Variants in TERT observed in about 807,000 individuals in gnomAD.
TERT encodes the protein telomerase catalytic subunit.
Under a neutral mutation model 104.0 loss-of-function variants are expected in TERT, and 42 were observed. That is an observed-to-expected ratio of 0.40 (90% CI 0.32 to 0.52). The LOEUF is 0.52. Among genes scored for constraint, TERT ranks in the 20% least tolerant of loss-of-function variants. The pLI is 0.43. For missense variants in TERT, 1,101 were observed against 1,610.3 expected (o/e 0.68, Z 5.41); for synonymous variants, 781 against 725.6 (o/e 1.08, Z -1.23).
At chr5:1,260,284 GCA>G (rs35880956) in intron 12 of TERT, among the ~76,000 whole-genome samples, 188 bp downstream of exon 12, 55 of 152,362 alleles carry the variant, frequency 3.6e-4, no homozygotes, top group Admixed American at 1.2e-3. Flanking sequence ...GCACACCTGT[GCA>G]CACACTGCCA....
rs1751264625 is a variant in TERT at position 1,294,567 on chromosome 5, C to T, written c.319G>A (p.Ala107Thr). 1.9e-6 allele frequency: 3 copies of T among 1,585,080 alleles called. No homozygotes were observed. Among genetic ancestry groups the T allele is most frequent in the Non-Finnish European group, 2.6e-6 (3 of 1,173,516 alleles). ...AAGGCCTCGGGGGGGCCCCCGCGGG[C>T]CCCGTCCAGCAGCGCGAAGCCGAAG... is the stretch of plus-strand genomic sequence containing the variant. The part of the protein sequence containing the change: ...LAFGFALLDG[A>T]RGGPPEAFTT... Residue 107 changes from alanine to threonine, a missense_variant, in exon 2 of 16, where the codon GCC becomes ACC. By Grantham distance (58) the Ala-to-Thr change is moderately conservative. Around this residue, in one of 5 missense-constraint regions of TERT, gnomAD observed 47 missense variants for 105.3 expected, o/e 0.45. Transcript: ENST00000310581.
Position 1,294,254 on chromosome 5 carries a change from C to A in TERT, c.632G>T (p.Gly211Val), listed in dbSNP as rs770364387. 2 of 1,591,198 alleles carry A rather than the reference C, an allele frequency of 1.3e-6. No individual in the cohort carries two copies. The highest frequency in any genetic ancestry group is 1.7e-6 in the Non-Finnish European group (2 of 1,175,010). ...RAWNHSVREAGVPLGLPAPGA... is the reference protein window; with the variant it reads ...RAWNHSVREAVVPLGLPAPGA... Reference sequence around the variant, plus strand: ...CGGGGCTGGCAGGCCCAGGGGGACCCCGGCCTCCCTGACGCTATGGTTCCA... The same window carrying A: ...CGGGGCTGGCAGGCCCAGGGGGACCACGGCCTCCCTGACGCTATGGTTCCA... Residue 211 changes from glycine (G) to valine (V), a missense_variant, in exon 2 of 16, where the codon GGG becomes GTG. Gly to Val is a moderately radical substitution (Grantham distance 109). Transcript: ENST00000310581.
rs933504082 is a variant in TERT at position 1,274,698 on chromosome 5, C to G, written c.2287-2418G>C. Among the ~76,000 whole-genome samples the G allele has an allele frequency of 1.1e-4, 16 of 152,366 alleles. No homozygotes were observed. The highest frequency in any genetic ancestry group is 3.4e-3 in the Middle Eastern group (1 of 294). On this transcript the variant is annotated intron_variant, in intron 6 of 15. Coordinates refer to ENST00000310581, the MANE Select transcript of TERT (RefSeq NM_198253.3). This position sits in a 1 kb window ranked among gnomAD's most constrained non-coding sequence, Gnocchi z 5.3. ...GGCTCCCCACACCCCACCTAGCCTC[C>G]CGCTGTGCGCCGGGTTCCTAACAGG... is the stretch of plus-strand genomic sequence containing the variant.
intron 2 of TERT, among the ~76,000 whole-genome samples, chr5:1,285,408 C>T (rs569738124): frequency 1.1e-4 from 16 of 152,264 alleles, no homozygotes; most frequent in East Asian, 3.9e-4. Flanking sequence ...CACGGGATCC[C>T]GCAGACAAAG....
At chr5:1,264,104 G>A (rs966315481) in intron 11 of TERT, 8 of 452,288 alleles carry the variant, frequency 1.8e-5, no homozygotes, top group African/African-American at 3.9e-5. Context: ...AGCAGGGCCC[G>A]GGCGTCTTGG....
Position 1,272,570 on chromosome 5 carries a change from TCAC to T in TERT, c.2287-293_2287-291del, listed in dbSNP as rs1378609494. The stretch of plus-strand genomic sequence containing the variant: ...CAGACCCCACGACCGCCATCCACAG[TCAC>T]CACATCAGACCCTACGACCGCCATC... On this transcript the variant is annotated intron_variant, in intron 6 of 15. Transcript: ENST00000310581. Among the ~76,000 whole-genome samples, 17 of 33,336 alleles carry T rather than the reference TCAC, an allele frequency of 5.1e-4. 1 individual carries two copies. Among genetic ancestry groups the T allele is most frequent in the African/African-American group, 1.7e-3 (9 of 5,184 alleles). The allele number at this position is 33,336 out of a possible 152,430, so 21.9% of individuals were successfully genotyped here.
At position 1,265,115 on chromosome 5, in the gene TERT, G is replaced by A. The variant is rs547930335; in HGVS notation, c.2655-523C>T. Among the ~76,000 whole-genome samples, 2 of 152,322 alleles carry A rather than the reference G, an allele frequency of 1.3e-5. No homozygotes were observed. The highest frequency in any genetic ancestry group is 4.1e-4 in the South Asian group (2 of 4,832). On this transcript the variant is annotated intron_variant, in intron 10 of 15. Coordinates refer to ENST00000310581, the MANE Select transcript of TERT (RefSeq NM_198253.3). This position sits in a 1 kb window ranked among gnomAD's most constrained non-coding sequence, Gnocchi z 6.9. ...GGGACCTGGCTGGGCTGTGAGCTGG[G>A]CAACACCAGTCGTCAGCTTCACGTC...
chr5:1,267,894 T>C (rs1420128023), intron 9 of TERT, among the ~76,000 whole-genome samples: 3 of 151,944 alleles, frequency 2.0e-5, no homozygotes, highest in Non-Finnish European at 4.4e-5. Flanking sequence ...AATGATGAGT[T>C]AATGGGTGCA....
At chr5:1,266,051 G>A (rs1748577166) in intron 10 of TERT, among the ~76,000 whole-genome samples, 1 of 152,198 alleles carries the variant, frequency 6.6e-6, no homozygotes, top group Non-Finnish European at 1.5e-5. Context: ...AGCTCACTCA[G>A]CAGCTCCTGC....
chr5:1,278,730 T>C lies in TERT; in HGVS notation c.2197A>G (p.Ile733Val), dbSNP rs1749791069. 2 of 1,614,178 alleles carry C rather than the reference T, an allele frequency of 1.2e-6. No homozygotes were observed. Among genetic ancestry groups the C allele is most frequent in the Non-Finnish European group, 1.7e-6 (2 of 1,180,054 alleles). ...DRLTEVIASI[I>V]KPQNTYCVRR... The stretch of plus-strand genomic sequence containing the variant: ...ACGCAGTACGTGTTCTGGGGTTTGA[T>C]GATGCTGGCGATGACCTCCGTGAGC... Residue 733 changes from isoleucine to valine, a missense_variant, in exon 6 of 16, where the codon ATC becomes GTC. By Grantham distance (29) the Ile-to-Val change is conservative (BLOSUM62 3). Coordinates refer to ENST00000310581, the MANE Select transcript of TERT (RefSeq NM_198253.3).
At chr5:1,264,860 C>T (rs1283469552) in intron 10 of TERT, among the ~76,000 whole-genome samples, 1 of 152,150 alleles carries the variant, frequency 6.6e-6, no homozygotes, top group Admixed American at 6.5e-5. Context: ...GAGGTGCAGC[C>T]CCAGTGGCCT....
intron 4 of TERT, 121 bp downstream of exon 4, chr5:1,280,037 G>A (rs34859168): frequency 1.8e-5 from 24 of 1,337,438 alleles, no homozygotes; most frequent in African/African-American, 5.8e-5. Flanking sequence ...GGTTGGCGCC[G>A]TGCCATGGCC....
At chr5:1,281,287 G>A (rs1488760873) in intron 3 of TERT, among the ~76,000 whole-genome samples, 2 of 152,188 alleles carry the variant, frequency 1.3e-5, no homozygotes, top group African/African-American at 4.8e-5. Flanking sequence ...CAAGGAAATG[G>A]CCCCAGCACC....
At position 1,294,619 on chromosome 5, in the gene TERT, G is replaced by A. The variant is rs2126690739; in HGVS notation, c.267C>T (p.Cys89=). The A allele has an allele frequency of 6.3e-7, 1 of 1,595,888 alleles. No homozygotes were observed. Among genetic ancestry groups the A allele is most frequent in the Non-Finnish European group, 8.5e-7 (1 of 1,178,846 alleles). ...ELVARVLQRL[C]ERGAKNVLAF... The stretch of plus-strand genomic sequence containing the variant: ...CCAGCACGTTCTTCGCGCCGCGCTC[G>A]CACAGCCTCTGCAGCACTCGGGCCA... The change falls in exon 2 of 16, where the codon TGC becomes TGT. Residue 89 remains cysteine, a synonymous_variant. Coordinates refer to ENST00000310581, the MANE Select transcript of TERT (RefSeq NM_198253.3).
rs1750531354 is a variant in TERT at position 1,286,926 on chromosome 5, G to A, written c.1574-4302C>T. ...TAAAAAGATCAGGGGGTAACACTAA[G>A]CAAAGAGAAATAAAAGCAAATGCCC... On this transcript the variant is annotated intron_variant, in intron 2 of 15. Coordinates refer to ENST00000310581, the MANE Select transcript of TERT (RefSeq NM_198253.3). This position sits in a 1 kb window ranked among gnomAD's most constrained non-coding sequence, Gnocchi z 5.3. Among the ~76,000 whole-genome samples, 1 of 152,028 alleles carries A rather than the reference G, an allele frequency of 6.6e-6. No homozygotes were observed. Among genetic ancestry groups the A allele is most frequent in the Admixed American group, 6.5e-5 (1 of 15,270 alleles).
At chr5:1,278,530 TCATGGAAGTA>T (rs1333524367) in intron 6 of TERT, 101 bp downstream of exon 6, 4 of 1,467,302 alleles carry the variant, frequency 2.7e-6, no homozygotes, top group African/African-American at 1.4e-5. Flanking sequence ...GATGTGTAAA[TCATGGAAGTA>T]CCTCCACCAC....
At chr5:1,271,741 G>A (rs921001920) in intron 7 of TERT, among the ~76,000 whole-genome samples, 6 of 152,108 alleles carry the variant, frequency 3.9e-5, no homozygotes, top group East Asian at 1.9e-4. Context: ...CCCGCTCAGC[G>A]GGGCGTGGCT....
Position 1,268,423 on chromosome 5 carries a change from C to A in TERT, c.2582+97G>T. The A allele has an allele frequency of 1.1e-6, 1 of 938,930 alleles. No individual in the cohort carries two copies. The highest frequency in any genetic ancestry group is 1.7e-6 in the Non-Finnish European group (1 of 597,004). The allele number at this position is 938,930 out of a possible 1,614,324, so 58.2% of individuals were successfully genotyped here. A position where few individuals can be genotyped will look rare whatever the true frequency, so the allele number is the denominator to read the frequency against. Reference sequence around the variant, plus strand: ...CCTTGTCTGGTTCCTCAAGACAGAGCAGTCATGGTCTCCAGAGCACCAGGA... The same window carrying A: ...CCTTGTCTGGTTCCTCAAGACAGAGAAGTCATGGTCTCCAGAGCACCAGGA... On this transcript the variant is annotated intron_variant, in intron 9 of 15. Coordinates refer to ENST00000310581, the MANE Select transcript of TERT (RefSeq NM_198253.3). The surrounding 1 kb of genome is among the most constrained non-coding windows in gnomAD (Gnocchi z 5.5).
At chr5:1,289,677 G>T (rs1326884691) in intron 2 of TERT, among the ~76,000 whole-genome samples, 1 of 31,952 alleles carries the variant, frequency 3.1e-5, no homozygotes, top group East Asian at 8.2e-4. Flanking sequence ...GGGGCCTCGC[G>T]TCAATCACCC....
Sources: gnomAD v4.1 joint callset for allele counts (sites outside exome capture counted in the v4.1 genomes callset) on GRCh38, gnomAD v4.1.1 for gene constraint, gnomAD v4.1.1 regional missense constraint, Gnocchi (gnomAD v3.1) non-coding constraint, MANE v1.5 for transcripts, NCBI Gene and HGNC (gene_info 2026-07-23, HGNC 2026-07-21) for gene names.